PDE4D: variants seen among roughly 807,000 people sequenced by gnomAD.
PDE4D encodes phosphodiesterase 4D.
PDE4D carries 24 observed loss-of-function variants against 87.4 expected under a neutral mutation model. The ratio of observed to expected loss-of-function variants is 0.27; its 90% CI spans 0.20 to 0.39. The LOEUF is 0.39. Ranked by LOEUF, PDE4D falls within the 10% of genes least tolerant of loss-of-function variation. The pLI is 1.00. For synonymous variants in PDE4D, 384 were observed against 383.2 expected (o/e 1.00, Z -0.02); for missense variants, 714 against 1,041.0 (o/e 0.69, Z 4.32).
intron 1 of PDE4D, among the ~76,000 whole-genome samples, chr5:59,451,772 T>G (rs1235851561): frequency 6.6e-6 from 1 of 152,178 alleles, no homozygotes; most frequent in Non-Finnish European, 1.5e-5. Context: ...CCTGCTTGCA[T>G]CCCAAGTAAT....
At position 59,680,992 on chromosome 5, in the gene PDE4D, C is replaced by CAT. The variant is rs1358012610; in HGVS notation, c.455+212174_455+212175dup. On this transcript the variant is annotated intron_variant, in intron 1 of 14. Transcript: ENST00000340635. ...GCACACATTTATATATGAGTATGTA[C>CAT]ATACATACACTTTCCCCCTAGATAT... 3.3e-5 allele frequency among the ~76,000 whole-genome samples: 5 copies of CAT among 152,130 alleles called. No individual in the cohort carries two copies. The East Asian group carries it at 7.7e-4, about 24-fold the overall frequency.
intron 1 of PDE4D, among the ~76,000 whole-genome samples, chr5:60,288,923 T>C (rs1474692840): frequency 6.6e-6 from 1 of 152,218 alleles, no homozygotes; most frequent in African/African-American, 2.4e-5. Flanking sequence ...TGAGAATTCA[T>C]TTTTCAGAAT....
rs187333319 is a variant in PDE4D, at chr5:59,702,224, C to T, written c.455+190944G>A. On this transcript the variant is annotated intron_variant, in intron 1 of 14. Coordinates refer to ENST00000340635, the MANE Select transcript of PDE4D (RefSeq NM_001104631.2). ...CTGCAAGCTCCCCCTCCCAGGTTCA[C>T]GTCATTCTCCTGCCTCAGCCTCTCA... Among the ~76,000 whole-genome samples, 98 of 152,188 alleles carry T rather than the reference C, an allele frequency of 6.4e-4. 1 individual carries two copies. Among genetic ancestry groups the T allele is most frequent in the African/African-American group, 1.1e-3 (47 of 41,538 alleles).
In PDE4D at chr5:60,074,846, C is replaced by T. The variant is rs116535461; in HGVS notation, c.43-86129G>A. Among the ~76,000 whole-genome samples the T allele has an allele frequency of 8.5e-3, 1,288 of 152,036 alleles. 14 individuals carry two copies. The highest frequency in any genetic ancestry group is 0.029 in the African/African-American group (1,190 of 41,480). ...GCAACCCCTGTTTTTTTCTGTTTTG[C>T]ATTTTTTGGTAGATTTTTCTGCATC... On this transcript the variant is annotated intron_variant, in intron 2 of 16. Coordinates refer to the PDE4D transcript ENST00000502484.
chr5:59,591,892 T>A (rs1825970529), intron 1 of PDE4D, among the ~76,000 whole-genome samples: 2 of 152,194 alleles, frequency 1.3e-5, no homozygotes, highest in Non-Finnish European at 2.9e-5. Flanking sequence ...TTGCAGGATG[T>A]GACTTTTTGC....
chr5:60,056,095 A>G (rs1251734442), intron 2 of PDE4D, among the ~76,000 whole-genome samples: 1 of 152,062 alleles, frequency 6.6e-6, no homozygotes, highest in African/African-American at 2.4e-5. Flanking sequence ...ATTAAGTGCC[A>G]TATCAAAATC....
chr5:59,896,814 A>G (rs1238038934), upstream of PDE4D, among the ~76,000 whole-genome samples: 1 of 152,228 alleles, frequency 6.6e-6, no homozygotes, highest in African/African-American at 2.4e-5. Flanking sequence ...CTATGCTAAA[A>G]GAAAATCTTA....
intron 1 of PDE4D, among the ~76,000 whole-genome samples, chr5:60,185,935 T>TG (rs1046974254): frequency 6.6e-5 from 6 of 91,188 alleles, no homozygotes; most frequent in Admixed American, 3.4e-4. Flanking sequence ...TTTTAGTGGC[T>TG]GAAAAAAAAA....
At chr5:59,705,851 A>G (rs1429438183) in intron 1 of PDE4D, among the ~76,000 whole-genome samples, 2 of 152,158 alleles carry the variant, frequency 1.3e-5, no homozygotes, top group South Asian at 4.1e-4. Context: ...TTGTAGGATC[A>G]ACTATGCAAA....
At chr5:59,771,526 G>GAAAGA (rs1763558545) in intron 1 of PDE4D, among the ~76,000 whole-genome samples, 1 of 146,454 alleles carries the variant, frequency 6.8e-6, no homozygotes, top group Non-Finnish European at 1.5e-5. Flanking sequence ...AAGAAAGAAA[G>GAAAGA]AAAGAAAGAA....
At position 59,914,866 on chromosome 5, in the gene PDE4D, G is replaced by GGTGTGTGTGTGTGT. The variant is rs3062699; in HGVS notation, c.272+73608_272+73621dup. Among the ~76,000 whole-genome samples, 786 of 122,504 alleles carry GGTGTGTGTGTGTGT rather than the reference G, an allele frequency of 6.4e-3. 8 individuals are homozygous for GGTGTGTGTGTGTGT. Among genetic ancestry groups the GGTGTGTGTGTGTGT allele is most frequent in the Middle Eastern group, 9.7e-3 (2 of 206 alleles). The allele number at this position is 122,504 out of a possible 152,430, so 80.4% of individuals were successfully genotyped here. The stretch of plus-strand genomic sequence containing the variant: ...GGCTTGGTTATAATTTACTGATAGG[G>GGTGTGTGTGTGTGT]GTGTGTGTGTGTGTGTGTGTGTGTG... On this transcript the variant is annotated intron_variant, in intron 3 of 16. Coordinates refer to the PDE4D transcript ENST00000502484.
At chr5:59,714,572 A>G (rs545180567) in intron 1 of PDE4D, among the ~76,000 whole-genome samples, 2 of 152,282 alleles carry the variant, frequency 1.3e-5, no homozygotes, top group East Asian at 3.9e-4. Context: ...CATCCCATCT[A>G]TTACAGATTT....
chr5:59,563,134 A>G (rs910401004), intron 1 of PDE4D, among the ~76,000 whole-genome samples: 2 of 152,232 alleles, frequency 1.3e-5, no homozygotes, highest in African/African-American at 4.8e-5. Flanking sequence ...CCAGGTCACC[A>G]AGGAAGTGGC....
chr5:59,256,826 C>T (rs1013891370), intron 1 of PDE4D, among the ~76,000 whole-genome samples: 13 of 151,920 alleles, frequency 8.6e-5, no homozygotes, highest in Non-Finnish European at 1.0e-4. Context: ...CTAACAACTA[C>T]GTAAATATAC....
intron 1 of PDE4D, among the ~76,000 whole-genome samples, chr5:59,768,854 C>T (rs1763150896): frequency 6.6e-6 from 1 of 152,176 alleles, no homozygotes; most frequent in South Asian, 2.1e-4. Flanking sequence ...GCCGCAGCTG[C>T]GCGAGTGACT....
intron 1 of PDE4D, among the ~76,000 whole-genome samples, chr5:59,633,014 A>G (rs1831766824): frequency 6.6e-6 from 1 of 152,206 alleles, no homozygotes; most frequent in Admixed American, 6.5e-5. Flanking sequence ...ATAGCTAACT[A>G]GAATAACCAG....
At chr5:59,127,187 C>T (rs1412146882) in intron 5 of PDE4D, among the ~76,000 whole-genome samples, 1 of 152,142 alleles carries the variant, frequency 6.6e-6, no homozygotes, top group Non-Finnish European at 1.5e-5. Context: ...CAGTAATGTG[C>T]GTGTGTGAGG....
intron 1 of PDE4D, among the ~76,000 whole-genome samples, chr5:59,814,292 G>A (rs1768723072): frequency 6.6e-6 from 1 of 152,122 alleles, no homozygotes; most frequent in African/African-American, 2.4e-5. Context: ...AAGTAGTTGC[G>A]ACAGAGACTG....
At chr5:59,250,147 C>T (rs1759635558) in intron 1 of PDE4D, among the ~76,000 whole-genome samples, 1 of 151,900 alleles carries the variant, frequency 6.6e-6, no homozygotes, top group African/African-American at 2.4e-5. Flanking sequence ...TGGCCTCTTG[C>T]TAGGTTTTTA....
Sources: allele counts gnomAD v4.1 joint callset (sites outside exome capture counted in the v4.1 genomes callset), GRCh38; gene constraint gnomAD v4.1.1; transcripts MANE v1.5; gene names NCBI Gene and HGNC (gene_info 2026-07-23, HGNC 2026-07-21).